RAP1GAP2: variants seen among roughly 807,000 people sequenced by gnomAD.
RAP1GAP2 encodes rap1 GTPase-activating protein 2.
Under a neutral mutation model 95.0 loss-of-function variants are expected in RAP1GAP2, and 27 were observed. The observed-to-expected ratio is 0.28, with a 90% CI of 0.21 to 0.39. RAP1GAP2 has a LOEUF of 0.39. Ranked by LOEUF, RAP1GAP2 falls within the 10% of genes least tolerant of loss-of-function variation. The pLI, the probability that RAP1GAP2 is intolerant of heterozygous loss-of-function variation, is 1.00. For missense variants in RAP1GAP2, 771 were observed against 970.0 expected, an observed-to-expected ratio of 0.79 and a Z score of 2.72; for synonymous variants, 373 against 380.9, an observed-to-expected ratio of 0.98 and a Z score of 0.24.
chr17:2,862,323 T>C (rs2072435090), intron 2 of RAP1GAP2, among the ~76,000 whole-genome samples: 1 of 152,164 alleles, frequency 6.6e-6, no homozygotes, highest in Non-Finnish European at 1.5e-5. Flanking sequence ...TTAGCCAATA[T>C]ATATATTTTT....
At chr17:2,930,849 C>T (rs112036266) in intron 3 of RAP1GAP2, among the ~76,000 whole-genome samples, 18,998 of 152,228 alleles carry the variant, frequency 0.12, 1,408 homozygotes, top group Middle Eastern at 0.18. Flanking sequence ...AAGAGCTGGG[C>T]GTGGTGGCTC....
chr17:2,758,173 C>G (rs998004279), intron 1 of RAP1GAP2, among the ~76,000 whole-genome samples: 1 of 130,880 alleles, frequency 7.6e-6, no homozygotes, highest in Non-Finnish European at 1.7e-5. Flanking sequence ...CTGGCCACGC[C>G]CCCCCCCCTT....
intron 2 of RAP1GAP2, among the ~76,000 whole-genome samples, chr17:2,896,652 C>T (rs2041835752): frequency 6.6e-6 from 1 of 152,178 alleles, no homozygotes; most frequent in South Asian, 2.1e-4. Context: ...CACGAGGGGG[C>T]CCCAGGTGCC....
intron 22 of RAP1GAP2, among the ~76,000 whole-genome samples, chr17:3,030,174 TTA>T (rs1491565072): frequency 9.6e-6 from 1 of 104,174 alleles, no homozygotes; most frequent in Non-Finnish European, 2.1e-5. Context: ...ATAATATATA[TTA>T]TACACACACA....
chr17:2,819,181 G>A (rs1461374991), intron 2 of RAP1GAP2, among the ~76,000 whole-genome samples: 1 of 151,716 alleles, frequency 6.6e-6, no homozygotes, highest in Non-Finnish European at 1.5e-5. Flanking sequence ...ACCACACCCG[G>A]CTAATTTTTT....
chr17:2,780,204 C>G (rs1158785794), intron 1 of RAP1GAP2, among the ~76,000 whole-genome samples: 1 of 152,190 alleles, frequency 6.6e-6, no homozygotes, highest in African/African-American at 2.4e-5. Context: ...GCGTGCGCCA[C>G]CACGTCCTAC....
chr17:2,875,620 G>A (rs1597486815), intron 2 of RAP1GAP2, among the ~76,000 whole-genome samples: 1 of 152,134 alleles, frequency 6.6e-6, no homozygotes, highest in East Asian at 1.9e-4. Flanking sequence ...GCCTCTCTGG[G>A]CCTGACCGTG....
chr17:2,762,017 C>T (rs1191317152), intron 1 of RAP1GAP2, among the ~76,000 whole-genome samples: 6 of 99,424 alleles, frequency 6.0e-5, no homozygotes, highest in African/African-American at 1.9e-4. Flanking sequence ...GAGACGGAGT[C>T]TTGCTCTGTT....
intron 4 of RAP1GAP2, among the ~76,000 whole-genome samples, chr17:2,960,112 A>C: frequency 7.6e-6 from 1 of 131,908 alleles, no homozygotes; most frequent in Non-Finnish European, 1.6e-5. Context: ...TGGCAGAGCA[A>C]GACTCCATCT....
intron 2 of RAP1GAP2, among the ~76,000 whole-genome samples, chr17:2,801,597 ATGTGTGTG>A (rs71150898): frequency 0.018 from 2,227 of 121,790 alleles, 25 homozygotes; most frequent in Middle Eastern, 0.046. Context: ...ACTCCAGGGT[ATGTGTGTG>A]TGTGTGTGTG....
chr17:2,840,888 C>T (rs750752038), intron 2 of RAP1GAP2, among the ~76,000 whole-genome samples: 11 of 152,174 alleles, frequency 7.2e-5, no homozygotes, highest in Non-Finnish European at 4.4e-5. Flanking sequence ...GTCCCAGTTA[C>T]TCAGGAGGCT....
At chr17:2,786,713 C>T (rs1275854021) in intron 1 of RAP1GAP2, among the ~76,000 whole-genome samples, 1 of 151,004 alleles carries the variant, frequency 6.6e-6, no homozygotes. Context: ...GGCGTGGTCT[C>T]GGGCTCACTG....
intron 3 of RAP1GAP2, among the ~76,000 whole-genome samples, chr17:2,919,576 T>TG (rs1382558676): frequency 2.1e-5 from 3 of 140,066 alleles, no homozygotes. Context: ...CTAAAAGCCA[T>TG]GGGGGGCCAG....
At chr17:2,879,071 C>T (rs2073195265) in intron 2 of RAP1GAP2, among the ~76,000 whole-genome samples, 1 of 151,266 alleles carries the variant, frequency 6.6e-6, no homozygotes, top group Non-Finnish European at 1.5e-5. Flanking sequence ...CTCCTTCCTG[C>T]CCTACCCACT....
At chr17:2,846,496 C>T (rs572330695) in intron 2 of RAP1GAP2, among the ~76,000 whole-genome samples, 61 of 152,142 alleles carry the variant, frequency 4.0e-4, no homozygotes, top group South Asian at 2.1e-3. Flanking sequence ...CTGCAACCTC[C>T]GCCTCCCAGG....
chr17:2,807,628 A>C (rs1275217472), intron 2 of RAP1GAP2, among the ~76,000 whole-genome samples: 1 of 151,960 alleles, frequency 6.6e-6, no homozygotes, highest in Non-Finnish European at 1.5e-5. Context: ...GAGAGAATGC[A>C]CTCCAGGTAG....
chr17:2,955,167 G>A (rs1478517134), intron 3 of RAP1GAP2, among the ~76,000 whole-genome samples: 1 of 152,112 alleles, frequency 6.6e-6, no homozygotes, highest in Non-Finnish European at 1.5e-5. Flanking sequence ...TGAGTTGTGT[G>A]GTCATAATTC....
intron 1 of RAP1GAP2, among the ~76,000 whole-genome samples, chr17:2,766,627 C>G (rs1048793818): frequency 6.6e-6 from 1 of 151,784 alleles, no homozygotes; most frequent in African/African-American, 2.4e-5. Context: ...AAAAGTGGAG[C>G]CCTCATGAAT....
At chr17:2,865,195 T>A (rs1313581947) in intron 2 of RAP1GAP2, among the ~76,000 whole-genome samples, 1 of 152,124 alleles carries the variant, frequency 6.6e-6, no homozygotes, top group African/African-American at 2.4e-5. Context: ...TACAGTCCAA[T>A]GAAGTAGATT....
Sources: gnomAD v4.1 joint callset for allele counts (sites outside exome capture counted in the v4.1 genomes callset) on GRCh38, gnomAD v4.1.1 for gene constraint, MANE v1.5 for transcripts, NCBI Gene and HGNC (gene_info 2026-07-23, HGNC 2026-07-21) for gene names.